The following MLXIP variants were observed in gnomAD, a reference collection of about 807,000 sequenced individuals.
MLXIP encodes MLX-interacting protein.
Under a neutral mutation model 87.2 loss-of-function variants are expected in MLXIP, and 30 were observed. The observed-to-expected ratio is 0.34, with a 90% confidence interval of 0.26 to 0.47. The LOEUF (loss-of-function observed/expected upper bound fraction) is 0.47, where lower values mean the gene tolerates loss of function less well. MLXIP is among the 20% of genes least tolerant of loss of function. MLXIP has a pLI of 1.00. For synonymous variants in MLXIP, 530 were observed against 514.0 expected (o/e 1.03, Z -0.42); for missense variants, 1,002 against 1,240.1 (o/e 0.81, Z 2.88).
At chr12:122,130,793 G>T in intron 6 of MLXIP, 51 bp from the exon 7 acceptor site, 1 of 1,345,214 alleles carries the variant, frequency 7.4e-7, no homozygotes, top group South Asian at 1.2e-5. Flanking sequence ...TTACGTTCCT[G>T]CAACATTGTC....
chr12:122,096,981 C>T (rs984092315), intron 1 of MLXIP, among the ~76,000 whole-genome samples: 1 of 152,238 alleles, frequency 6.6e-6, no homozygotes, highest in Non-Finnish European at 1.5e-5. Flanking sequence ...TGACTCAACG[C>T]TCTGAAAAAT....
At chr12:122,123,425 A>T (rs1952817137) in intron 1 of MLXIP, among the ~76,000 whole-genome samples, 1 of 152,034 alleles carries the variant, frequency 6.6e-6, no homozygotes, top group Non-Finnish European at 1.5e-5. Flanking sequence ...TGGAACGGTG[A>T]TCCCAGTTGG....
At position 122,145,738 on chromosome 12, in the gene MLXIP, G is replaced by A. The variant is rs3809117; in HGVS notation, c.*3926G>A. On this transcript the variant is annotated 3_prime_UTR_variant, in exon 17 of 17. Coordinates refer to ENST00000319080, the MANE Select transcript of MLXIP (RefSeq NM_014938.6). ...TCAGAACTCATGGGTGTGGAGCTGGGCCTGTCCCGGGCCAGTGGACCCCTG... is the reference window on the plus strand; with the variant it reads ...TCAGAACTCATGGGTGTGGAGCTGGACCTGTCCCGGGCCAGTGGACCCCTG... 0.44 allele frequency: 67,088 copies of A among 152,272 alleles called. 15,068 individuals carry two copies. The highest frequency in any genetic ancestry group is 0.63 in the Middle Eastern group (186 of 296). 9.4% of individuals were successfully genotyped at this position (152,272 alleles called of 1,614,324 possible).
chr12:122,102,960 G>C lies in MLXIP; in HGVS notation c.413+23694G>C, dbSNP rs548514093. On this transcript the variant is annotated intron_variant, in intron 1 of 16. Coordinates refer to ENST00000319080, the MANE Select transcript of MLXIP (RefSeq NM_014938.6). ...CATTTCTTTTAAATGCTCTAAAGTT[G>C]TGATGGCAGTTGCATAGCTCTCTGA... 7.9e-5 allele frequency among the ~76,000 whole-genome samples: 12 copies of C among 152,288 alleles called. No individual in the cohort carries two copies. In the East Asian group the frequency reaches 2.3e-3, roughly 29 times the overall value.
chr12:122,135,556 C>A lies in MLXIP; in HGVS notation c.1922C>A (p.Pro641Gln). The A allele has an allele frequency of 6.2e-7, 1 of 1,602,796 alleles. No individual in the cohort carries two copies. Residue 641 changes from proline (P) to glutamine (Q), a missense_variant, in exon 11 of 17, where the codon CCG (proline) becomes CAG (glutamine). By Grantham distance (76) the Pro-to-Gln change is moderately conservative. This residue lies in a region of MLXIP where 746 missense variants were observed against 897.0 expected (regional missense o/e 0.83). Coordinates refer to ENST00000319080, the MANE Select transcript of MLXIP (RefSeq NM_014938.6). This position sits in a 1 kb window ranked among gnomAD's most constrained non-coding sequence, Gnocchi z 5.3. ...GATCTCGGCCATGGCACGAGCAGCC[C>A]GCCTGCCCCCGTCTCCCGGCTCTTC... ...VTDLGHGTSS[P>Q]PAPVSRLFPS... is the part of the protein sequence containing the mutation.
At chr12:122,081,009 A>G (rs954024894) in intron 1 of MLXIP, among the ~76,000 whole-genome samples, 1 of 146,544 alleles carries the variant, frequency 6.8e-6, no homozygotes, top group African/African-American at 2.5e-5. Context: ...TGAAAACTAA[A>G]TCAGTCTCCC....
intron 1 of MLXIP, among the ~76,000 whole-genome samples, chr12:122,085,829 G>GC (rs1028733528): frequency 6.6e-6 from 1 of 152,034 alleles, no homozygotes. Context: ...CAGATTAATG[G>GC]CCCCCCGAAG....
Position 122,141,809 on chromosome 12 carries a change from C to T in MLXIP, c.2757C>T (p.Ser919=). The change falls in exon 17 of 17, where the codon TCC becomes TCT. Residue 919 remains serine, a synonymous_variant. Transcript: ENST00000319080. ...GGATTGGCAAGAGATTGGGAGAGTC[C>T]TAGCTGCTTAGCTGGCATGTGGCCG... is the stretch of plus-strand genomic sequence containing the variant. ...VTRIGKRLGE[S] 6.2e-7 allele frequency: 1 copy of T among 1,613,494 alleles called. No homozygotes were observed. Among genetic ancestry groups the T allele is most frequent in the Non-Finnish European group, 8.5e-7 (1 of 1,179,844 alleles).
intron 1 of MLXIP, among the ~76,000 whole-genome samples, chr12:122,103,882 C>G (rs1468513109): frequency 6.9e-6 from 1 of 144,346 alleles, no homozygotes; most frequent in Non-Finnish European, 1.5e-5. Context: ...GCTGTGTTGT[C>G]CAGGCTGGTC....
chr12:122,104,291 G>A (rs765944942), intron 1 of MLXIP, among the ~76,000 whole-genome samples: 7 of 152,066 alleles, frequency 4.6e-5, no homozygotes, highest in Middle Eastern at 3.2e-3. Flanking sequence ...AGGTTCCCTC[G>A]CGCCCTTCCC....
intron 1 of MLXIP, among the ~76,000 whole-genome samples, chr12:122,092,075 T>TTTTTC (rs1168978615): frequency 3.1e-4 from 47 of 151,872 alleles, no homozygotes; most frequent in East Asian, 9.7e-4. Context: ...TTTTTCTTTC[T>TTTTTC]TTTTCTTTTC....
intron 2 of MLXIP, 21 bp from the exon 3 acceptor site, chr12:122,127,860 ACT>A: frequency 3.1e-6 from 5 of 1,607,760 alleles, no homozygotes; most frequent in Non-Finnish European, 4.3e-6. Context: ...CATGGTGCTG[ACT>A]CTCACCCTCT....
chr12:122,133,492 A>C lies in MLXIP; in HGVS notation c.1237A>C (p.Thr413Pro). ...SRTEDPFIQP[T>P]DFGPSEPPLS... ...GACTGAGGACCCGTTTATCCAGCCC[A>C]CGGACTTCGGTCCCTCAGAGCCGCC... Residue 413 changes from threonine to proline, a missense_variant, in exon 9 of 17, where the codon ACG (threonine) becomes CCG (proline). Thr to Pro is a conservative substitution (Grantham distance 38). Transcript: ENST00000319080. This position sits in a 1 kb window ranked among gnomAD's most constrained non-coding sequence, Gnocchi z 4.9. 1 of 1,612,550 alleles carries C rather than the reference A, an allele frequency of 6.2e-7. No homozygotes were observed. Among genetic ancestry groups the C allele is most frequent in the Non-Finnish European group, 8.5e-7 (1 of 1,179,528 alleles).
Position 122,127,163 on chromosome 12 carries a change from G to C in MLXIP, c.414-93G>C. 5.1e-6 allele frequency: 5 copies of C among 981,466 alleles called. No homozygotes were observed. In the Middle Eastern group the frequency reaches 6.2e-4, roughly 122 times the overall value. 60.8% of individuals were successfully genotyped at this position (981,466 alleles called of 1,614,324 possible). A position where few individuals can be genotyped will look rare whatever the true frequency, so the allele number is the denominator to read the frequency against. The stretch of plus-strand genomic sequence containing the variant: ...GTATGGCTGGGGGTGGATCAGTCAA[G>C]AGTTTGGTCCTGGAATGATCGGGTG... On this transcript the variant is annotated intron_variant, in intron 1 of 16. Coordinates refer to ENST00000319080, the MANE Select transcript of MLXIP (RefSeq NM_014938.6).
chr12:122,083,613 C>T (rs1317507254), intron 1 of MLXIP, among the ~76,000 whole-genome samples: 1 of 152,060 alleles, frequency 6.6e-6, no homozygotes, highest in Non-Finnish European at 1.5e-5. Flanking sequence ...GGGGTTTCTC[C>T]ATGTTGGTCA....
intron 1 of MLXIP, among the ~76,000 whole-genome samples, chr12:122,094,757 GTA>G (rs1306292385): frequency 1.4e-5 from 2 of 146,708 alleles, no homozygotes; most frequent in Admixed American, 1.4e-4. Context: ...GTGGGTGTGT[GTA>G]TGCGGTGTCT....
At chr12:122,099,872 A>C (rs1415699208) in intron 1 of MLXIP, among the ~76,000 whole-genome samples, 1 of 152,148 alleles carries the variant, frequency 6.6e-6, no homozygotes. Flanking sequence ...CTCACATGGA[A>C]AGGTGTTTGT....
intron 1 of MLXIP, among the ~76,000 whole-genome samples, chr12:122,109,573 A>G (rs1952572112): frequency 6.6e-6 from 1 of 152,270 alleles, no homozygotes; most frequent in Non-Finnish European, 1.5e-5. Context: ...CAGGAGAGAC[A>G]GAAGGGCTGT....
rs143223240 is a variant in MLXIP, at chr12:122,104,026, A to G, written c.414-23230A>G. Among the ~76,000 whole-genome samples, 156 of 152,246 alleles carry G rather than the reference A, an allele frequency of 1.0e-3. 2 individuals carry two copies. The East Asian group carries it at 0.025, about 25-fold the overall frequency. On this transcript the variant is annotated intron_variant, in intron 1 of 16. Coordinates refer to ENST00000319080, the MANE Select transcript of MLXIP (RefSeq NM_014938.6). Reference sequence around the variant, plus strand: ...TGTGTGGTATGTGAACTATATTCCAATAAAGCTGTTACAGAAAGCATGTGG... The same window carrying G: ...TGTGTGGTATGTGAACTATATTCCAGTAAAGCTGTTACAGAAAGCATGTGG...
Sources: allele counts gnomAD v4.1 joint callset (sites outside exome capture counted in the v4.1 genomes callset), GRCh38; gene constraint gnomAD v4.1.1; regional missense constraint gnomAD v4.1.1; non-coding constraint Gnocchi (gnomAD v3.1); transcripts MANE v1.5; gene names NCBI Gene and HGNC (gene_info 2026-07-23, HGNC 2026-07-21).